The following PDILT variants were observed in gnomAD, a reference collection of about 807,000 sequenced individuals.
PDILT encodes the protein protein disulfide isomerase like, testis expressed.
Under a neutral mutation model 53.7 loss-of-function variants are expected in PDILT, and 43 were observed. The ratio of observed to expected loss-of-function variants is 0.80; its 90% CI spans 0.63 to 1.03. The LOEUF is 1.03. Ranked by LOEUF, PDILT falls within the 50% of genes least tolerant of loss-of-function variation. The probability of loss-of-function intolerance (pLI) is 0.00; values close to 1 mark genes in which losing one functional copy is unlikely to be tolerated. For synonymous variants in PDILT, 282 were observed against 274.2 expected (o/e 1.03, Z -0.28); for missense variants, 727 against 712.3 (o/e 1.02, Z -0.24).
chr16:20,396,177 T>A (rs76648021), intron 2 of PDILT, among the ~76,000 whole-genome samples: 52 of 152,300 alleles, frequency 3.4e-4, no homozygotes, highest in Non-Finnish European at 5.6e-4. Flanking sequence ...ATCCCTATAA[T>A]GACTATACCA....
intron 5 of PDILT, among the ~76,000 whole-genome samples, chr16:20,373,452 C>T (rs1966336916): frequency 1.3e-5 from 2 of 152,182 alleles, no homozygotes; most frequent in Non-Finnish European, 2.9e-5. Context: ...TTCTCACATA[C>T]TGCTCCAACT....
intron 1 of PDILT, among the ~76,000 whole-genome samples, chr16:20,402,663 G>A (rs1268981529): frequency 6.6e-6 from 1 of 152,190 alleles, no homozygotes; most frequent in Non-Finnish European, 1.5e-5. Flanking sequence ...ACTAAGGGAA[G>A]CAAAGAAGTG....
chr16:20,372,764 T>C, intron 7 of PDILT, 38 bp downstream of exon 7: 1 of 1,601,232 alleles, frequency 6.2e-7, no homozygotes, highest in Non-Finnish European at 8.5e-7. Context: ...TGGATCCTCA[T>C]CCAGGAGTCC....
At chr16:20,362,003 T>C (rs1966109533) in intron 10 of PDILT, among the ~76,000 whole-genome samples, 2 of 152,222 alleles carry the variant, frequency 1.3e-5, no homozygotes, top group South Asian at 4.1e-4. Context: ...TGACATTGTT[T>C]GTCTCTAGCA....
At chr16:20,363,648 A>G (rs1966144784) in intron 9 of PDILT, among the ~76,000 whole-genome samples, 1 of 152,166 alleles carries the variant, frequency 6.6e-6, no homozygotes. Flanking sequence ...TGACCACTAT[A>G]CCACAGGTAG....
chr16:20,389,432 G>A (rs923707688), intron 2 of PDILT, among the ~76,000 whole-genome samples: 5 of 152,160 alleles, frequency 3.3e-5, no homozygotes, highest in Non-Finnish European at 7.3e-5. Flanking sequence ...GATGACATAG[G>A]TGGAGACTCT....
rs770598986 is a variant in PDILT, at chr16:20,399,210, T to G, written c.91A>C (p.Ile31Leu). 1 of 1,614,170 alleles carries G rather than the reference T, an allele frequency of 6.2e-7. No homozygotes were observed. The change falls in exon 2 of 12, where the codon ATC becomes CTC. Residue 31 changes from isoleucine to leucine, a missense_variant. Transcript: ENST00000302451. ...ATGTGCACAGGCTTGGTTATGTGGA[T>G]GCTGGAAACACCGGCGTTAACCTCT... ...SPEVNAGVSSIHITKPVHILE... is the reference protein window; with the variant it reads ...SPEVNAGVSSLHITKPVHILE...
intron 7 of PDILT, among the ~76,000 whole-genome samples, 160 bp downstream of exon 7, chr16:20,372,642 T>C (rs1274705936): frequency 1.3e-5 from 2 of 152,214 alleles, no homozygotes; most frequent in Non-Finnish European, 2.9e-5. Flanking sequence ...GTAAATGATA[T>C]GTGGCATTGA....
intron 10 of PDILT, among the ~76,000 whole-genome samples, chr16:20,361,814 C>T (rs544953566): frequency 2.2e-4 from 34 of 152,290 alleles, no homozygotes; most frequent in African/African-American, 7.7e-4. Flanking sequence ...GCCATATCTG[C>T]CCTCCAGAAG....
intron 3 of PDILT, among the ~76,000 whole-genome samples, chr16:20,380,023 G>A (rs1003766327): frequency 2.6e-5 from 4 of 152,118 alleles, no homozygotes; most frequent in Non-Finnish European, 4.4e-5. Flanking sequence ...GATCCAAAAG[G>A]AATTGATTTA....
At chr16:20,389,805 G>A (rs113509249) in intron 2 of PDILT, among the ~76,000 whole-genome samples, 1 of 152,156 alleles carries the variant, frequency 6.6e-6, no homozygotes, top group Admixed American at 6.5e-5. Context: ...GAGGTGATGA[G>A]TATAGGGACT....
At chr16:20,360,779 C>T (rs1455319582) in intron 10 of PDILT, 122 bp from the exon 11 acceptor site, 3 of 704,874 alleles carry the variant, frequency 4.3e-6, no homozygotes, top group African/African-American at 3.5e-5. Flanking sequence ...ATGCAGGTTC[C>T]CTAACCTCTC....
At chr16:20,382,842 AGT>A (rs1194079235) in intron 3 of PDILT, among the ~76,000 whole-genome samples, 1 of 152,178 alleles carries the variant, frequency 6.6e-6, no homozygotes, top group Non-Finnish European at 1.5e-5. Flanking sequence ...TGCAGAGGGG[AGT>A]GCTGTCAATT....
intron 8 of PDILT, among the ~76,000 whole-genome samples, chr16:20,365,927 A>G (rs573663145): frequency 2.0e-5 from 3 of 152,052 alleles, no homozygotes; most frequent in African/African-American, 7.2e-5. Flanking sequence ...CTAAAAAAAG[A>G]AAAAATACAA....
intron 8 of PDILT, 128 bp from the exon 9 acceptor site, chr16:20,365,668 T>A: frequency 8.4e-7 from 1 of 1,188,924 alleles, no homozygotes; most frequent in Non-Finnish European, 1.2e-6. Flanking sequence ...AGGAAAGGGT[T>A]TGAAATACTG....
chr16:20,374,945 T>C lies in PDILT; in HGVS notation c.558A>G (p.Glu186=). 3 of 1,610,196 alleles carry C rather than the reference T, an allele frequency of 1.9e-6. No homozygotes were observed. The highest frequency in any genetic ancestry group is 2.5e-6 in the Non-Finnish European group (3 of 1,177,976). ...TCACATCATAGAACAACTCTGCTAC[T>C]TCTTCCTCTAAATCCTATTTGGGAA... is the stretch of plus-strand genomic sequence containing the variant. The part of the protein sequence containing the change: ...IVGFFQDLEE[E]VAELFYDVIK... Residue 186 remains glutamate, a synonymous_variant, in exon 5 of 12, where the codon GAA becomes GAG. Transcript: ENST00000302451.
chr16:20,362,417 CT>C lies in PDILT; in HGVS notation c.1402del (p.Ser468AlafsTer15). ...DRYPFFRLFP[S>X]GSQQAVLYKG... is the part of the protein sequence containing the mutation. The stretch of plus-strand genomic sequence containing the variant: ...AGAGCCCCTCACTTGTTGAGAGCCG[CT>C]GGGGAACAGCCTGAAGAATGGGTAC... On this transcript the variant is annotated frameshift_variant, in exon 10 of 12. Coordinates refer to ENST00000302451, the MANE Select transcript of PDILT (RefSeq NM_174924.2). LOFTEE classifies it high-confidence loss of function. 2 of 1,614,140 alleles carry C rather than the reference CT, an allele frequency of 1.2e-6. No individual in the cohort carries two copies. The highest frequency in any genetic ancestry group is 1.6e-4 in the Middle Eastern group (1 of 6,062).
At position 20,372,997 on chromosome 16, in the gene PDILT, C is replaced by T. The variant is rs763667105; in HGVS notation, c.792+15G>A. 3 of 1,613,842 alleles carry T rather than the reference C, an allele frequency of 1.9e-6. No homozygotes were observed. The highest frequency in any genetic ancestry group is 2.2e-5 in the East Asian group (1 of 44,874). ...CCCCAGCTCCCCTTCCTCCGGGGACCATTTACTCACTGACCTCAGTGTTGT... is the reference window on the plus strand; with the variant it reads ...CCCCAGCTCCCCTTCCTCCGGGGACTATTTACTCACTGACCTCAGTGTTGT... On this transcript the variant is annotated intron_variant, in intron 6 of 11. Coordinates refer to ENST00000302451, the MANE Select transcript of PDILT (RefSeq NM_174924.2).
chr16:20,369,388 T>C (rs1966266458), intron 8 of PDILT, 104 bp downstream of exon 8: 2 of 1,286,786 alleles, frequency 1.6e-6, no homozygotes, highest in African/African-American at 2.9e-5. Context: ...TTGATCTTTA[T>C]TCTGCCTCCA....
Sources: allele counts gnomAD v4.1 joint callset (sites outside exome capture counted in the v4.1 genomes callset), GRCh38; gene constraint gnomAD v4.1.1; transcripts MANE v1.5; gene names NCBI Gene and HGNC (gene_info 2026-07-23, HGNC 2026-07-21).